CTIF: variants seen among roughly 807,000 people sequenced by gnomAD.
CTIF encodes cap binding complex dependent translation initiation factor, also known as CBP80/20-dependent translation initiation factor.
In CTIF, 21 loss-of-function variants were observed where a neutral mutation model predicts 66.0. The observed-to-expected ratio is 0.32, with a 90% CI of 0.23 to 0.46. The LOEUF is 0.46. Ranked by LOEUF, CTIF falls within the 20% of genes least tolerant of loss-of-function variation. The pLI, the probability that CTIF is intolerant of heterozygous loss-of-function variation, is 1.00. For synonymous variants in CTIF, 345 were observed against 326.4 expected (o/e 1.06, Z -0.62); for missense variants, 739 against 812.7 (o/e 0.91, Z 1.10).
chr18:48,664,455 C>T lies in CTIF; in HGVS notation c.335C>T (p.Thr112Ile), dbSNP rs759148030. Residue 112 changes from threonine to isoleucine, a missense_variant, in exon 5 of 12, where the codon ACC (threonine) becomes ATC (isoleucine). This residue lies in a region of CTIF where 529 missense variants were observed against 520.3 expected (regional missense o/e 1.02). Coordinates refer to ENST00000256413, the MANE Select transcript of CTIF (RefSeq NM_014772.3). The part of the protein sequence containing the change: ...ANTFDSFSGA[T>I]WDLQPEKLDF... ...CCTCCCTCGCCCTCTAGTGGTGCCA[C>T]CTGGGACCTGCAGCCGGAAAAGCTG... 5 of 1,613,632 alleles carry T rather than the reference C, an allele frequency of 3.1e-6. No individual in the cohort carries two copies. In the African/African-American group the frequency reaches 4.0e-5, roughly 13 times the overall value.
At position 48,636,640 on chromosome 18, in the gene CTIF, G is replaced by A. The variant is rs749138558; in HGVS notation, c.207G>A (p.Leu69=). Residue 69 remains leucine (L), a synonymous_variant, in exon 3 of 12, where the codon CTG becomes CTA. Coordinates refer to ENST00000256413, the MANE Select transcript of CTIF (RefSeq NM_014772.3). ...GGACAGCGGACTGCAGCGAACCGCT[G>A]GACAGCAGCTGTTCCTTCTCCCGAG... is the stretch of plus-strand genomic sequence containing the variant. ...SQWTADCSEP[L]DSSCSFSRGR... 6.3e-7 allele frequency: 1 copy of A among 1,597,344 alleles called. No individual in the cohort carries two copies. Among genetic ancestry groups the A allele is most frequent in the South Asian group, 1.1e-5 (1 of 88,150 alleles).
intron 3 of CTIF, among the ~76,000 whole-genome samples, chr18:48,648,468 A>AACACACAT (rs1555662942): frequency 1.3e-5 from 2 of 148,468 alleles, no homozygotes; most frequent in African/African-American, 5.0e-5. Context: ...CTTCGTTCTG[A>AACACACAT]ACACACACAC....
At position 48,576,866 on chromosome 18, in the gene CTIF, C is replaced by T. The variant is rs76417635; in HGVS notation, c.-29+37554C>T. The stretch of plus-strand genomic sequence containing the variant: ...TGTGTGGTTTTGGTTTTCTGGGCTT[C>T]GCCACTGAGGAGAGAACATTCTAGA... On this transcript the variant is annotated intron_variant, in intron 1 of 11. Transcript: ENST00000256413. Among the ~76,000 whole-genome samples the T allele has an allele frequency of 4.6e-5, 7 of 152,320 alleles. No individual in the cohort carries two copies. The South Asian group carries it at 8.3e-4, about 18-fold the overall frequency.
chr18:48,655,299 A>G (rs1237351726), intron 3 of CTIF, among the ~76,000 whole-genome samples: 5 of 29,696 alleles, frequency 1.7e-4, no homozygotes, highest in African/African-American at 2.0e-4. Flanking sequence ...AGCAAGACTA[A>G]AAAAAAAAAA....
At chr18:48,553,955 TC>T (rs1266282149) in intron 1 of CTIF, among the ~76,000 whole-genome samples, 1 of 152,040 alleles carries the variant, frequency 6.6e-6, no homozygotes, top group Non-Finnish European at 1.5e-5. Context: ...GCCACAAAGT[TC>T]CTGATTCTCT....
chr18:48,701,602 A>G (rs1473358898), intron 6 of CTIF, among the ~76,000 whole-genome samples: 1 of 152,022 alleles, frequency 6.6e-6, no homozygotes, highest in Non-Finnish European at 1.5e-5. Context: ...AAGCCTGACA[A>G]TGGTAGTTGA....
intron 1 of CTIF, among the ~76,000 whole-genome samples, chr18:48,599,908 A>T (rs1359674966): frequency 1.3e-5 from 2 of 152,210 alleles, no homozygotes; most frequent in Admixed American, 6.5e-5. Flanking sequence ...CTGGCCTGTC[A>T]CGGGGCTTCC....
Position 48,758,226 on chromosome 18 carries a change from C to T in CTIF, c.892C>T (p.Arg298Cys), listed in dbSNP as rs193022476. Reference protein sequence around the residue: ...DTGHSSLEAPRSPDTLAPVAS... With the variant: ...DTGHSSLEAPCSPDTLAPVAS... Reference sequence around the variant, plus strand: ...CGGGCACAGCAGCCTTGAGGCCCCCCGCAGCCCTGACACCCTGGCCCCGGT... The same window carrying T: ...CGGGCACAGCAGCCTTGAGGCCCCCTGCAGCCCTGACACCCTGGCCCCGGT... The change falls in exon 8 of 12, where the codon CGC becomes TGC. Residue 298 changes from arginine to cysteine, a missense_variant. Arg to Cys is a radical substitution (Grantham distance 180). This residue lies in a region of CTIF where 529 missense variants were observed against 520.3 expected (regional missense o/e 1.02). Transcript: ENST00000256413. The T allele has an allele frequency of 4.0e-5, 64 of 1,613,462 alleles. No individual in the cohort carries two copies. In the Admixed American group the frequency reaches 7.5e-4, roughly 19 times the overall value.
At chr18:48,717,324 G>A (rs1403997062) in intron 7 of CTIF, among the ~76,000 whole-genome samples, 10 of 151,842 alleles carry the variant, frequency 6.6e-5, no homozygotes, top group Admixed American at 6.6e-4. Context: ...CCTGAACCTG[G>A]GAGGCGGAGG....
intron 2 of CTIF, among the ~76,000 whole-genome samples, chr18:48,630,844 T>A (rs547834802): frequency 1.3e-4 from 20 of 151,938 alleles, no homozygotes; most frequent in Non-Finnish European, 2.6e-4. Flanking sequence ...CCTGGCTAAT[T>A]TTTTTGTATT....
chr18:48,635,327 CTTTT>C (rs561455888), intron 2 of CTIF, among the ~76,000 whole-genome samples: 2,970 of 113,362 alleles, frequency 0.026, 89 homozygotes, highest in African/African-American at 0.094. Context: ...CTTTTTCTTT[CTTTT>C]TTTTTTTTTT....
At chr18:48,577,340 C>T (rs1417414480) in intron 1 of CTIF, among the ~76,000 whole-genome samples, 2 of 152,184 alleles carry the variant, frequency 1.3e-5, no homozygotes, top group African/African-American at 4.8e-5. Flanking sequence ...TGTGTAGGAT[C>T]CTGCTGCTGA....
At chr18:48,776,094 T>C (rs1388324882) in intron 9 of CTIF, among the ~76,000 whole-genome samples, 1 of 152,240 alleles carries the variant, frequency 6.6e-6, no homozygotes, top group Non-Finnish European at 1.5e-5. Context: ...TCTGCGACCC[T>C]GGCCAGGCTC....
intron 9 of CTIF, among the ~76,000 whole-genome samples, chr18:48,805,776 C>T (rs2068133923): frequency 6.6e-6 from 1 of 152,212 alleles, no homozygotes; most frequent in South Asian, 2.1e-4. Flanking sequence ...ATGAGACAGG[C>T]ATACATGCTG....
At chr18:48,685,030 AT>A (rs35327726) in intron 6 of CTIF, among the ~76,000 whole-genome samples, 7,511 of 133,542 alleles carry the variant, frequency 0.056, 214 homozygotes, top group African/African-American at 0.08. Context: ...GTTTGTTTGT[AT>A]TTTTTTTTTT....
intron 9 of CTIF, among the ~76,000 whole-genome samples, chr18:48,780,038 G>A (rs745894827): frequency 6.6e-6 from 1 of 152,160 alleles, no homozygotes; most frequent in East Asian, 1.9e-4. Flanking sequence ...GAAGCAGCTT[G>A]TGTCTCAGAT....
intron 9 of CTIF, among the ~76,000 whole-genome samples, chr18:48,816,255 C>T: frequency 6.6e-6 from 1 of 152,156 alleles, no homozygotes; most frequent in East Asian, 1.9e-4. Context: ...ATTGGCACAC[C>T]ATCACTCCTG....
rs748876705 is a variant in CTIF at position 48,758,388 on chromosome 18, C to T, written c.1054C>T (p.Arg352Ter). 2.5e-6 allele frequency: 4 copies of T among 1,589,922 alleles called. No individual in the cohort carries two copies. Among genetic ancestry groups the T allele is most frequent in the Non-Finnish European group, 3.4e-6 (4 of 1,168,144 alleles). Residue 352 changes from arginine (R) to a stop codon, truncating the protein, a stop_gained, in exon 8 of 12, where the codon CGA (arginine) becomes TGA (stop). Transcript: ENST00000256413. LOFTEE classifies it high-confidence loss of function. Reference sequence around the variant, plus strand: ...CCAGTCTTCCAAAGACAGACTGCGGCGAAGGCTAAAGGAAAAGGTACCGGT... The same window carrying T: ...CCAGTCTTCCAAAGACAGACTGCGGTGAAGGCTAAAGGAAAAGGTACCGGT... ...LLQSSKDRLR[R>*]RLKEKDEVAV...
rs111264927 is a variant in CTIF, at chr18:48,757,937, G to C, written c.603G>C (p.Pro201=). 5.6e-6 allele frequency: 9 copies of C among 1,612,334 alleles called. No individual in the cohort carries two copies. The highest frequency in any genetic ancestry group is 1.3e-5 in the African/African-American group (1 of 74,958). The change falls in exon 8 of 12, where the codon CCG becomes CCC. Residue 201 remains proline, a synonymous_variant. Transcript: ENST00000256413. ...TTTGCAGGCGGCAGCAGAGACCTCC[G>C]GGGGGCAACAAGCCCCAACAGCATG... The part of the protein sequence containing the change: ...RNDRRRQQRP[P]GGNKPQQHGD...
Sources: allele counts gnomAD v4.1 joint callset (sites outside exome capture counted in the v4.1 genomes callset), GRCh38; gene constraint gnomAD v4.1.1; regional missense constraint gnomAD v4.1.1; transcripts MANE v1.5; gene names NCBI Gene and HGNC (gene_info 2026-07-23, HGNC 2026-07-21).